Variants in NRCAM observed in about 807,000 individuals in gnomAD.
The protein encoded by NRCAM is neuronal cell adhesion molecule, also known as NgCAM-related cell adhesion molecule.
Under a neutral mutation model 156.5 loss-of-function variants are expected in NRCAM, and 83 were observed. That is an observed-to-expected ratio of 0.53 (90% CI 0.44 to 0.64). NRCAM has a LOEUF of 0.64. Ranked by LOEUF, NRCAM falls within the 30% of genes least tolerant of loss-of-function variation. The probability of loss-of-function intolerance (pLI) is 0.00; values close to 1 mark genes in which losing one functional copy is unlikely to be tolerated. For missense variants in NRCAM, 1,417 were observed against 1,597.3 expected, an observed-to-expected ratio of 0.89 and a Z score of 1.92; for synonymous variants, 538 against 563.9, an observed-to-expected ratio of 0.95 and a Z score of 0.65.
intron 2 of NRCAM, among the ~76,000 whole-genome samples, chr7:108,368,236 C>CCCCG (rs1554569430): frequency 1.6e-5 from 2 of 124,890 alleles, no homozygotes; most frequent in Admixed American, 1.7e-4. Context: ...CCCCCCCCAC[C>CCCCG]CCCCCGCCTG....
At chr7:108,299,435 A>G (rs1242983304) in intron 3 of NRCAM, among the ~76,000 whole-genome samples, 1 of 152,216 alleles carries the variant, frequency 6.6e-6, no homozygotes, top group Non-Finnish European at 1.5e-5. Context: ...CCACAATGAC[A>G]CTACAGTCCA....
At chr7:108,426,276 T>C (rs535823692) in intron 1 of NRCAM, among the ~76,000 whole-genome samples, 1 of 152,334 alleles carries the variant, frequency 6.6e-6, no homozygotes, top group Admixed American at 6.5e-5. Flanking sequence ...CCCTCTCCCC[T>C]AAAACTCTAG....
chr7:108,300,171 T>G lies in NRCAM; in HGVS notation c.-107+12494A>C, dbSNP rs1244478750. On this transcript the variant is annotated intron_variant, in intron 3 of 32. Transcript: ENST00000379028. ...CAAATTTCTGTTGACTTTTTTTTTT[T>G]TTTTTTTTTTTTTTTTTTACAAAAG... 2.9e-5 allele frequency among the ~76,000 whole-genome samples: 4 copies of G among 139,850 alleles called. No homozygotes were observed. In the East Asian group the frequency reaches 6.0e-4, roughly 21 times the overall value. The allele number at this position is 139,850 out of a possible 152,430, so 91.7% of individuals were successfully genotyped here. A position where few individuals can be genotyped will look rare whatever the true frequency, so the allele number is the denominator to read the frequency against.
chr7:108,256,605 C>T (rs1044945211), intron 3 of NRCAM, among the ~76,000 whole-genome samples: 5 of 151,962 alleles, frequency 3.3e-5, no homozygotes, highest in Non-Finnish European at 7.4e-5. Context: ...CCGAGAAACA[C>T]CCAAGAATGA....
chr7:108,221,125 T>G (rs761938990), intron 11 of NRCAM, among the ~76,000 whole-genome samples: 1 of 151,950 alleles, frequency 6.6e-6, no homozygotes, highest in Non-Finnish European at 1.5e-5. Flanking sequence ...ATCAGGGAAA[T>G]GCAAATCAAA....
chr7:108,335,142 G>A (rs1433489786), intron 2 of NRCAM, among the ~76,000 whole-genome samples: 6 of 152,130 alleles, frequency 3.9e-5, no homozygotes, highest in Admixed American at 1.3e-4. Flanking sequence ...AAATTATGGA[G>A]CTGGAATTTG....
intron 2 of NRCAM, among the ~76,000 whole-genome samples, chr7:108,387,458 T>C (rs959365012): frequency 2.6e-5 from 4 of 152,130 alleles, no homozygotes; most frequent in African/African-American, 9.7e-5. Context: ...TATGATGCAA[T>C]GAACGTTTCC....
rs113863529 is a variant in NRCAM at position 108,342,604 on chromosome 7, G to A, written c.-173-29873C>T. ...CCCAGTGTTAATAAGCTTGCCAACG[G>A]GGCAAGACTTTCCTTTATATGTCAC... is the stretch of plus-strand genomic sequence containing the variant. On this transcript the variant is annotated intron_variant, in intron 2 of 32. Coordinates refer to ENST00000379028, the MANE Select transcript of NRCAM (RefSeq NM_001037132.4). Among the ~76,000 whole-genome samples the A allele has an allele frequency of 5.8e-3, 881 of 152,294 alleles. 9 individuals are homozygous for A. Among genetic ancestry groups the A allele is most frequent in the African/African-American group, 0.02 (840 of 41,552 alleles).
intron 28 of NRCAM, among the ~76,000 whole-genome samples, chr7:108,170,212 C>CT (rs2057600730): frequency 1.3e-5 from 2 of 151,998 alleles, no homozygotes; most frequent in Non-Finnish European, 2.9e-5. Context: ...ATTATTCCGA[C>CT]TTTAAAAAAA....
intron 5 of NRCAM, among the ~76,000 whole-genome samples, chr7:108,236,759 G>A (rs1335316326): frequency 6.6e-6 from 1 of 152,020 alleles, no homozygotes; most frequent in Non-Finnish European, 1.5e-5. Context: ...TTCAGGCTCT[G>A]GGAGTATATA....
At position 108,317,594 on chromosome 7, in the gene NRCAM, C is replaced by T. The variant is rs181924000; in HGVS notation, c.-173-4863G>A. ...GAAGGCTCTGTGTGATGGCTATAAACTAATACCGTATCTAAGAAAATGGGG... is the reference window on the plus strand; with the variant it reads ...GAAGGCTCTGTGTGATGGCTATAAATTAATACCGTATCTAAGAAAATGGGG... On this transcript the variant is annotated intron_variant, in intron 2 of 32. Coordinates refer to ENST00000379028, the MANE Select transcript of NRCAM (RefSeq NM_001037132.4). Among the ~76,000 whole-genome samples the T allele has an allele frequency of 2.1e-3, 317 of 152,128 alleles. 15 individuals are homozygous for T. In the South Asian group the frequency reaches 0.063, roughly 30 times the overall value.
At chr7:108,234,773 T>C (rs759168261) in intron 5 of NRCAM, 85 bp from the exon 6 acceptor site, 7 of 899,604 alleles carry the variant, frequency 7.8e-6, no homozygotes, top group African/African-American at 1.6e-5. Context: ...CAAAATCACT[T>C]ACCTTAGACT....
intron 3 of NRCAM, among the ~76,000 whole-genome samples, chr7:108,287,833 G>T (rs575760575): frequency 6.6e-6 from 1 of 152,038 alleles, no homozygotes; most frequent in East Asian, 1.9e-4. Context: ...ACTAAAAATA[G>T]AACTACCTCT....
At chr7:108,401,568 T>G (rs1389220558) in intron 1 of NRCAM, among the ~76,000 whole-genome samples, 2 of 151,986 alleles carry the variant, frequency 1.3e-5, no homozygotes, top group African/African-American at 4.8e-5. Context: ...AAAATAGTAA[T>G]CTTAGTAGCT....
At chr7:108,187,682 T>C (rs2067856131) in intron 20 of NRCAM, among the ~76,000 whole-genome samples, 1 of 152,068 alleles carries the variant, frequency 6.6e-6, no homozygotes, top group Admixed American at 6.6e-5. Flanking sequence ...CCGGGCGCAG[T>C]GGCTCACGCC....
At chr7:108,150,579 T>C (rs2040788398) in intron 32 of NRCAM, 1 of 455,706 alleles carries the variant, frequency 2.2e-6, no homozygotes, top group Non-Finnish European at 4.4e-6. Flanking sequence ...TGGAGCATGA[T>C]TTTGGTTAAG....
intron 3 of NRCAM, among the ~76,000 whole-genome samples, chr7:108,271,297 A>T (rs1460035133): frequency 2.0e-5 from 3 of 152,178 alleles, no homozygotes; most frequent in Non-Finnish European, 2.9e-5. Flanking sequence ...AGAGGCTCTT[A>T]AAAGGAAAAA....
intron 5 of NRCAM, 36 bp downstream of exon 5, chr7:108,237,716 T>C (rs745363517): frequency 3.9e-6 from 6 of 1,527,976 alleles, no homozygotes; most frequent in Middle Eastern, 1.7e-4. Context: ...TGGTCACATT[T>C]TCACACTGCC....
chr7:108,397,871 G>GA (rs1467073297), intron 2 of NRCAM, among the ~76,000 whole-genome samples: 4 of 151,348 alleles, frequency 2.6e-5, no homozygotes, highest in African/African-American at 4.9e-5. Flanking sequence ...TTGTCTCTAG[G>GA]AAGAAAAATC....
Sources: gnomAD v4.1 joint callset for allele counts (sites outside exome capture counted in the v4.1 genomes callset) on GRCh38, gnomAD v4.1.1 for gene constraint, MANE v1.5 for transcripts, NCBI Gene and HGNC (gene_info 2026-07-23, HGNC 2026-07-21) for gene names.